Variants in AASS observed in about 807,000 individuals in gnomAD.
AASS encodes the protein alpha-aminoadipic semialdehyde synthase, mitochondrial.
AASS carries 86 observed loss-of-function variants against 105.4 expected under a neutral mutation model. The observed-to-expected ratio is 0.82, with a 90% confidence interval of 0.69 to 0.98. The LOEUF (loss-of-function observed/expected upper bound fraction) is 0.98, where lower values mean the gene tolerates loss of function less well. AASS is among the 50% of genes least tolerant of loss of function. The probability of loss-of-function intolerance (pLI) is 0.00; values close to 1 mark genes in which losing one functional copy is unlikely to be tolerated. For synonymous variants in AASS, 381 were observed against 394.8 expected, an observed-to-expected ratio of 0.96 and a Z score of 0.41; for missense variants, 1,048 against 1,143.2, an observed-to-expected ratio of 0.92 and a Z score of 1.20.
chr7:122,125,333 C>T (rs1409348953), intron 4 of AASS, among the ~76,000 whole-genome samples: 1 of 152,056 alleles, frequency 6.6e-6, no homozygotes, highest in Non-Finnish European at 1.5e-5. Flanking sequence ...ATGACATAAG[C>T]CATAATAAGT....
At chr7:122,118,188 A>T in intron 6 of AASS, 119 bp downstream of exon 6, 1 of 1,115,628 alleles carries the variant, frequency 9.0e-7, no homozygotes, top group Non-Finnish European at 1.3e-6. Context: ...TTGGTAAGAA[A>T]AGTGCCTAAA....
chr7:122,087,812 A>G (rs1156292569), intron 18 of AASS, among the ~76,000 whole-genome samples: 2 of 152,230 alleles, frequency 1.3e-5, no homozygotes, highest in Non-Finnish European at 2.9e-5. Context: ...AATTTCTGAA[A>G]GAAAAATTCA....
intron 11 of AASS, among the ~76,000 whole-genome samples, chr7:122,112,552 T>C (rs1405280566): frequency 1.3e-5 from 2 of 152,002 alleles, no homozygotes; most frequent in Non-Finnish European, 2.9e-5. Context: ...CAGTCTGAAA[T>C]AAAAATAAAG....
intron 1 of AASS, among the ~76,000 whole-genome samples, chr7:122,134,201 T>C (rs554444966): frequency 3.9e-5 from 6 of 152,330 alleles, no homozygotes; most frequent in African/African-American, 1.4e-4. Flanking sequence ...AGTTCATCTC[T>C]GACCATTCCC....
In AASS at chr7:122,079,699, C is replaced by G; in HGVS notation, c.2294G>C (p.Cys765Ser). 1 of 1,612,962 alleles carries G rather than the reference C, an allele frequency of 6.2e-7. No homozygotes were observed. Among genetic ancestry groups the G allele is most frequent in the Non-Finnish European group, 8.5e-7 (1 of 1,179,072 alleles). Residue 765 changes from cysteine (C) to serine (S), a missense_variant, in exon 21 of 24, where the codon TGT (cysteine) becomes TCT (serine). Transcript: ENST00000417368. ...ANPLTWKQLLCDLVGISPSSE... is the reference protein window; with the variant it reads ...ANPLTWKQLLSDLVGISPSSE... The stretch of plus-strand genomic sequence containing the variant: ...GGAGGGTGAAATCCCAACTAGGTCA[C>G]AGAGGAGTTGTTTCTGGTTAGAAAA...
chr7:122,142,967 G>A (rs551948238), intron 1 of AASS, among the ~76,000 whole-genome samples: 37 of 152,212 alleles, frequency 2.4e-4, no homozygotes, highest in African/African-American at 8.7e-4. Context: ...TGAAGAGTGG[G>A]AAAATGATTC....
At chr7:122,078,738 C>G in intron 22 of AASS, 124 bp downstream of exon 22, 1 of 890,258 alleles carries the variant, frequency 1.1e-6, no homozygotes, top group Non-Finnish European at 1.9e-6. Flanking sequence ...TCCAATTGCC[C>G]TTTTCTTCAT....
rs891061965 is a variant in AASS at position 122,139,497 on chromosome 7, A to AT, written c.-16+4663dup. Among the ~76,000 whole-genome samples, 4 of 151,996 alleles carry AT rather than the reference A, an allele frequency of 2.6e-5. No individual in the cohort carries two copies. The South Asian group carries it at 6.2e-4, about 24-fold the overall frequency. On this transcript the variant is annotated intron_variant, in intron 1 of 23. Coordinates refer to ENST00000417368, the MANE Select transcript of AASS (RefSeq NM_005763.4). ...ATAGTGAGGCCCATAGAAATAGGGGATTTTTTTCTGTTTTATAGAAAGCAT... is the reference window on the plus strand; with the variant it reads ...ATAGTGAGGCCCATAGAAATAGGGGATTTTTTTTCTGTTTTATAGAAAGCAT...
intron 17 of AASS, 59 bp from the exon 18 acceptor site, chr7:122,091,902 A>T: frequency 2.5e-6 from 3 of 1,216,840 alleles, no homozygotes; most frequent in African/African-American, 1.5e-5. Context: ...ATGTCTAAGT[A>T]ATTAATTGAA....
chr7:122,142,494 G>T (rs1162003636), intron 1 of AASS, among the ~76,000 whole-genome samples: 2 of 151,876 alleles, frequency 1.3e-5, no homozygotes, highest in Non-Finnish European at 2.9e-5. Context: ...CAAACTTCAG[G>T]CATGCATGTT....
At chr7:122,095,529 A>T (rs1794109371) in intron 15 of AASS, among the ~76,000 whole-genome samples, 1 of 152,056 alleles carries the variant, frequency 6.6e-6, no homozygotes, top group Admixed American at 6.5e-5. Context: ...ATTACACTAT[A>T]TCATTGTACT....
intron 22 of AASS, 141 bp from the exon 23 acceptor site, chr7:122,078,155 T>C: frequency 2.5e-6 from 2 of 808,230 alleles, no homozygotes; most frequent in Non-Finnish European, 4.1e-6. Context: ...CACAGCTTTT[T>C]AGCCCAAAGT....
chr7:122,141,671 A>C (rs1037526263), intron 1 of AASS, among the ~76,000 whole-genome samples: 5 of 151,000 alleles, frequency 3.3e-5, no homozygotes, highest in Admixed American at 1.3e-4. Context: ...AAAAAAAAAA[A>C]AAAAAAAAAA....
chr7:122,103,020 T>A (rs1335195655), intron 11 of AASS, among the ~76,000 whole-genome samples: 6 of 151,996 alleles, frequency 3.9e-5, no homozygotes, highest in African/African-American at 1.2e-4. Context: ...ATAACTTTTT[T>A]AAAAAATGTA....
rs768943469 is a variant in AASS, at chr7:122,086,119, G to GA, written c.2076dup (p.Pro693SerfsTer10). ...GGATAGCCTTCCAAATTTAATCCTG[G>GA]AAAAAAATCCATGGACGTAACGGCA... On this transcript the variant is annotated frameshift_variant, in exon 19 of 24. Transcript: ENST00000417368. LOFTEE classifies it high-confidence loss of function. The GA allele has an allele frequency of 9.3e-6, 15 of 1,613,140 alleles. No homozygotes were observed. Among genetic ancestry groups the GA allele is most frequent in the South Asian group, 2.2e-5 (2 of 91,040 alleles).
intron 8 of AASS, among the ~76,000 whole-genome samples, chr7:122,115,890 T>A (rs1795146382): frequency 6.6e-6 from 1 of 152,218 alleles, no homozygotes; most frequent in Non-Finnish European, 1.5e-5. Flanking sequence ...TAAGAATTCT[T>A]TTCCCTAACA....
chr7:122,141,438 C>A (rs1256963263), intron 1 of AASS, among the ~76,000 whole-genome samples: 1 of 152,076 alleles, frequency 6.6e-6, no homozygotes, highest in Non-Finnish European at 1.5e-5. Context: ...ACTTGTCTGT[C>A]TCTTTGCTAA....
intron 4 of AASS, among the ~76,000 whole-genome samples, chr7:122,122,231 G>A (rs556301427): frequency 3.9e-5 from 6 of 152,066 alleles, no homozygotes; most frequent in Non-Finnish European, 8.8e-5. Flanking sequence ...ATATGGGAAT[G>A]TTCCGGTCAT....
chr7:122,142,184 A>C (rs768206464), intron 1 of AASS, among the ~76,000 whole-genome samples: 3 of 152,186 alleles, frequency 2.0e-5, no homozygotes, highest in Non-Finnish European at 4.4e-5. Context: ...CATCATGCGC[A>C]AAATGAGAAT....
Sources: gnomAD v4.1 joint callset for allele counts (sites outside exome capture counted in the v4.1 genomes callset) on GRCh38, gnomAD v4.1.1 for gene constraint, MANE v1.5 for transcripts, NCBI Gene and HGNC (gene_info 2026-07-23, HGNC 2026-07-21) for gene names.